Variants in TMEM87A observed in about 807,000 individuals in gnomAD.
TMEM87A encodes Golgi-pH regulating cation channel.
In TMEM87A, 50 loss-of-function variants were observed where a neutral mutation model predicts 90.0. The observed-to-expected ratio is 0.56, with a 90% confidence interval of 0.44 to 0.70. TMEM87A has a LOEUF of 0.70. Among genes scored for constraint, TMEM87A ranks in the 30% least tolerant of loss-of-function variants. TMEM87A has a pLI of 0.00. For missense variants in TMEM87A, 577 were observed against 660.5 expected (o/e 0.87, Z 1.39); for synonymous variants, 226 against 226.7 (o/e 1.00, Z 0.03).
At chr15:42,236,033 T>C (rs1030460656) in intron 10 of TMEM87A, among the ~76,000 whole-genome samples, 1 of 152,194 alleles carries the variant, frequency 6.6e-6, no homozygotes, top group Non-Finnish European at 1.5e-5. Context: ...TTTGGAAGTA[T>C]GGAAATATAT....
intron 6 of TMEM87A, chr15:42,258,369 A>C: frequency 1.5e-6 from 1 of 653,238 alleles, no homozygotes; most frequent in Non-Finnish European, 1.9e-6. Flanking sequence ...ATTTATGTAT[A>C]TCGTCTCCAT....
intron 6 of TMEM87A, among the ~76,000 whole-genome samples, chr15:42,252,763 C>A (rs1466178766): frequency 6.6e-6 from 1 of 152,012 alleles, no homozygotes; most frequent in African/African-American, 2.4e-5. Context: ...CACTTAAAAT[C>A]TTTGGTCTGG....
intron 15 of TMEM87A, among the ~76,000 whole-genome samples, chr15:42,223,816 T>G (rs1210960055): frequency 6.6e-6 from 1 of 152,076 alleles, no homozygotes; most frequent in Non-Finnish European, 1.5e-5. Context: ...TTAATTCTCA[T>G]CCACCAAATC....
chr15:42,219,975 G>C (rs2050445711), intron 16 of TMEM87A, 87 bp downstream of exon 16: 2 of 1,257,062 alleles, frequency 1.6e-6, no homozygotes, highest in South Asian at 3.1e-5. Flanking sequence ...ACCAAATATA[G>C]GAACAACACA....
At chr15:42,265,160 C>T (rs1339563469) in intron 3 of TMEM87A, among the ~76,000 whole-genome samples, 4 of 152,146 alleles carry the variant, frequency 2.6e-5, no homozygotes, top group African/African-American at 9.7e-5. Context: ...AACAGTGCTG[C>T]AGTGAACATA....
rs377475368 is a variant in TMEM87A, at chr15:42,226,879, T to C, written c.1330A>G (p.Ile444Val). ...ATCATGGAGAACAGCAAGCGCCAGA[T>C]GGCATCGTCTACCCACAGCTCCCGC... The part of the protein sequence containing the change: ...DWRELWVDDA[I>V]WRLLFSMILF... The change falls in exon 15 of 20, where the codon ATC becomes GTC. Residue 444 changes from isoleucine (I) to valine (V), a missense_variant. Ile to Val is a conservative substitution (Grantham distance 29). Transcript: ENST00000389834. 47 of 1,614,096 alleles carry C rather than the reference T, an allele frequency of 2.9e-5. No individual in the cohort carries two copies. The highest frequency in any genetic ancestry group is 3.9e-5 in the Non-Finnish European group (46 of 1,180,030).
At position 42,226,925 on chromosome 15, in the gene TMEM87A, G is replaced by A. The variant is rs781184005; in HGVS notation, c.1300-16C>T. ...CCCGCCAGTCCTACAATACAGGGGAGAAGTACAACATTTATACACATTATC... is the reference window on the plus strand; with the variant it reads ...CCCGCCAGTCCTACAATACAGGGGAAAAGTACAACATTTATACACATTATC... On this transcript the variant is annotated splice_polypyrimidine_tract_variant and intron_variant, in intron 14 of 19. Coordinates refer to ENST00000389834, the MANE Select transcript of TMEM87A (RefSeq NM_015497.5). 1 of 1,608,980 alleles carries A rather than the reference G, an allele frequency of 6.2e-7. No individual in the cohort carries two copies. Among genetic ancestry groups the A allele is most frequent in the Non-Finnish European group, 8.5e-7 (1 of 1,175,584 alleles).
rs2050269875 is a variant in TMEM87A at position 42,210,761 on chromosome 15, A to G, written c.*947T>C. ...CAGGGCCTCCACGCTACTTCATGCA[A>G]TAACTGTTTAAATTAAGCCAGCAGG... On this transcript the variant is annotated 3_prime_UTR_variant, in exon 20 of 20. Transcript: ENST00000389834. 1 of 152,744 alleles carries G rather than the reference A, an allele frequency of 6.5e-6. No individual in the cohort carries two copies. The highest frequency in any genetic ancestry group is 2.4e-5 in the African/African-American group (1 of 41,462). The allele number at this position is 152,744 out of a possible 1,614,324, so 9.5% of individuals were successfully genotyped here.
chr15:42,220,049 A>G lies in TMEM87A; in HGVS notation c.1477+13T>C, dbSNP rs186958185. ...TATTTAAAGTACTAATAAGAGGTGAATTTTATTATTACCAAAGCTTTCTTT... is the reference window on the plus strand; with the variant it reads ...TATTTAAAGTACTAATAAGAGGTGAGTTTTATTATTACCAAAGCTTTCTTT... On this transcript the variant is annotated intron_variant, in intron 16 of 19. Coordinates refer to ENST00000389834, the MANE Select transcript of TMEM87A (RefSeq NM_015497.5). The G allele has an allele frequency of 1.5e-3, 2,378 of 1,584,642 alleles. 3 individuals are homozygous for G. Among genetic ancestry groups the G allele is most frequent in the Non-Finnish European group, 1.4e-3 (1,588 of 1,168,546 alleles).
chr15:42,266,435 G>A (rs1036528488), intron 3 of TMEM87A, among the ~76,000 whole-genome samples: 6 of 151,160 alleles, frequency 4.0e-5, no homozygotes, highest in Non-Finnish European at 8.8e-5. Flanking sequence ...ACAATCACTT[G>A]AACCCAGGAG....
intron 12 of TMEM87A, 139 bp downstream of exon 12, chr15:42,231,053 T>G: frequency 1.5e-6 from 1 of 662,098 alleles, no homozygotes; most frequent in Non-Finnish European, 2.4e-6. Flanking sequence ...CCTCAGGTTG[T>G]TAAGACTTAG....
At chr15:42,260,831 G>T (rs1309681727) in intron 6 of TMEM87A, 127 bp downstream of exon 6, 4 of 991,636 alleles carry the variant, frequency 4.0e-6, no homozygotes, top group Non-Finnish European at 5.9e-6. Flanking sequence ...TAACATTTTG[G>T]TCTATAGCTT....
rs149958437 is a variant in TMEM87A at position 42,269,068 on chromosome 15, G to A, written c.206-1036C>T. On this transcript the variant is annotated intron_variant, in intron 2 of 19. Transcript: ENST00000389834. ...GCCTCAAGGAAGCTCATGTTATCAT[G>A]GAAGCTTCATAAAGCTCATTAAACA... is the stretch of plus-strand genomic sequence containing the variant. Among the ~76,000 whole-genome samples, 478 of 152,028 alleles carry A rather than the reference G, an allele frequency of 3.1e-3. 1 individual carries two copies. Among genetic ancestry groups the A allele is most frequent in the African/African-American group, 0.011 (464 of 41,448 alleles).
At chr15:42,219,048 T>C (rs961076380) in intron 17 of TMEM87A, 1 of 154,770 alleles carries the variant, frequency 6.5e-6, no homozygotes, top group Non-Finnish European at 1.4e-5. Context: ...AGGGTTCCCT[T>C]TTTTCCATGT....
intron 15 of TMEM87A, among the ~76,000 whole-genome samples, chr15:42,220,776 T>C (rs1190664648): frequency 6.6e-6 from 1 of 152,110 alleles, no homozygotes; most frequent in Non-Finnish European, 1.5e-5. Context: ...CTTTTATTTA[T>C]TTGTTTTATT....
At chr15:42,223,196 A>G (rs2050527262) in intron 15 of TMEM87A, among the ~76,000 whole-genome samples, 1 of 152,098 alleles carries the variant, frequency 6.6e-6, no homozygotes, top group South Asian at 2.1e-4. Context: ...AGTTTATAAC[A>G]AGCCTGGGCA....
At chr15:42,211,871 G>C (rs1244945272) in intron 19 of TMEM87A, 122 bp from the exon 20 acceptor site, 12 of 912,826 alleles carry the variant, frequency 1.3e-5, no homozygotes, top group Non-Finnish European at 2.0e-5. Flanking sequence ...TAAATGTTTA[G>C]AGAAATGGTT....
At chr15:42,272,528 G>A (rs2051557423) in intron 1 of TMEM87A, 1 of 200,746 alleles carries the variant, frequency 5.0e-6, no homozygotes, top group Admixed American at 5.4e-5. Flanking sequence ...GGTTTAATGG[G>A]GCTAATGCTT....
chr15:42,247,571 A>G (rs2051001398), intron 6 of TMEM87A, among the ~76,000 whole-genome samples: 1 of 152,010 alleles, frequency 6.6e-6, no homozygotes, highest in African/African-American at 2.4e-5. Context: ...TGTTTTTGTC[A>G]GGTTTGTCAA....
Sources: gnomAD v4.1 joint callset for allele counts (sites outside exome capture counted in the v4.1 genomes callset) on GRCh38, gnomAD v4.1.1 for gene constraint, MANE v1.5 for transcripts, NCBI Gene and HGNC (gene_info 2026-07-23, HGNC 2026-07-21) for gene names.